The following ROBO2 variants were observed in gnomAD, a reference collection of about 807,000 sequenced individuals.
ROBO2 encodes roundabout guidance receptor 2.
In ROBO2, 53 loss-of-function variants were observed where a neutral mutation model predicts 160.8. The ratio of observed to expected loss-of-function variants is 0.33; its 90% confidence interval spans 0.26 to 0.41. The LOEUF (loss-of-function observed/expected upper bound fraction) is 0.41. Ranked by LOEUF, ROBO2 falls within the 10% of genes least tolerant of loss-of-function variation. The pLI is 1.00. For synonymous variants in ROBO2, 664 were observed against 611.7 expected, an observed-to-expected ratio of 1.09 and a Z score of -1.26; for missense variants, 1,577 against 1,722.4, an observed-to-expected ratio of 0.92 and a Z score of 1.49.
intron 2 of ROBO2, among the ~76,000 whole-genome samples, chr3:77,428,339 ATTTTTT>A (rs59725522): frequency 0.011 from 1,176 of 105,492 alleles, 13 homozygotes; most frequent in Non-Finnish European, 0.016. Context: ...CTTAGGTAAT[ATTTTTT>A]TTTTTTTTTT....
intron 2 of ROBO2, among the ~76,000 whole-genome samples, chr3:76,055,931 C>G (rs2067829556): frequency 1.3e-5 from 2 of 151,990 alleles, no homozygotes; most frequent in African/African-American, 4.8e-5. Flanking sequence ...GCTGGACCAC[C>G]AGCTTTTAAG....
intron 2 of ROBO2, among the ~76,000 whole-genome samples, chr3:76,158,848 A>G (rs1452676938): frequency 6.6e-6 from 1 of 152,184 alleles, no homozygotes; most frequent in Non-Finnish European, 1.5e-5. Context: ...ATACAGTTAT[A>G]TTATAAAGTC....
chr3:76,726,020 A>G (rs1459390954), intron 2 of ROBO2, among the ~76,000 whole-genome samples: 1 of 152,182 alleles, frequency 6.6e-6, no homozygotes, highest in Non-Finnish European at 1.5e-5. Context: ...GGGTCCCTTC[A>G]AATGCTAAGA....
chr3:76,172,885 T>C (rs2073095588), intron 2 of ROBO2, among the ~76,000 whole-genome samples: 1 of 152,106 alleles, frequency 6.6e-6, no homozygotes, highest in South Asian at 2.1e-4. Flanking sequence ...TGAATTAATG[T>C]GCAAACTGCA....
At chr3:77,467,693 A>G (rs191789044) in intron 2 of ROBO2, among the ~76,000 whole-genome samples, 342 of 152,010 alleles carry the variant, frequency 2.2e-3, no homozygotes, top group Admixed American at 4.1e-3. Flanking sequence ...AGGAGGCAGT[A>G]TTATAACCTT....
intron 2 of ROBO2, among the ~76,000 whole-genome samples, chr3:76,215,369 A>T (rs1385832688): frequency 6.6e-6 from 1 of 152,146 alleles, no homozygotes. Flanking sequence ...CTCCGATCTA[A>T]AGGAGGAAGT....
At chr3:76,358,223 A>G (rs1234450655) in intron 2 of ROBO2, among the ~76,000 whole-genome samples, 3 of 151,928 alleles carry the variant, frequency 2.0e-5, no homozygotes, top group Non-Finnish European at 4.4e-5. Context: ...GGTTTTGCAT[A>G]TCCTAGAGAT....
chr3:76,002,650 T>C (rs1187549147), intron 2 of ROBO2, among the ~76,000 whole-genome samples: 1 of 152,136 alleles, frequency 6.6e-6, no homozygotes, highest in Non-Finnish European at 1.5e-5. Flanking sequence ...GAACTGTGAG[T>C]TCGTTAAACC....
At chr3:76,555,810 G>A (rs955838779) in intron 2 of ROBO2, among the ~76,000 whole-genome samples, 1 of 152,160 alleles carries the variant, frequency 6.6e-6, no homozygotes, top group African/African-American at 2.4e-5. Context: ...GCCAGGCATT[G>A]TGTCTCATGC....
At chr3:77,248,026 A>G (rs538999662) in intron 2 of ROBO2, among the ~76,000 whole-genome samples, 2 of 152,126 alleles carry the variant, frequency 1.3e-5, no homozygotes, top group African/African-American at 4.8e-5. Context: ...CTGTGCCTGT[A>G]AAAACCCCAG....
At chr3:76,603,351 AATATATATATATATATATATATAT>A (rs71104603) in intron 2 of ROBO2, among the ~76,000 whole-genome samples, 23 of 26,406 alleles carry the variant, frequency 8.7e-4, no homozygotes, top group Non-Finnish European at 8.8e-4. Context: ...AAAAAAAAAA[AATATATATATATATATATATATAT>A]ATATATATAT....
intron 2 of ROBO2, among the ~76,000 whole-genome samples, chr3:75,996,506 C>A (rs1268586159): frequency 6.6e-6 from 1 of 152,136 alleles, no homozygotes. Context: ...TTGGTTAGTT[C>A]CTTATAGCAA....
At chr3:77,525,606 G>A (rs954830979) in intron 6 of ROBO2, among the ~76,000 whole-genome samples, 55 of 150,836 alleles carry the variant, frequency 3.6e-4, no homozygotes, top group African/African-American at 1.3e-3. Flanking sequence ...CACAAACTGC[G>A]TATTTGTAAG....
rs190753726 is a variant in ROBO2 at position 75,972,555 on chromosome 3, A to G, written c.109+34953A>G. Among the ~76,000 whole-genome samples, 169 of 151,788 alleles carry G rather than the reference A, an allele frequency of 1.1e-3. 1 individual carries two copies. The South Asian group carries it at 0.023, about 20-fold the overall frequency. ...AGCAACTTCTAAATAAATGAAACCA[A>G]ATTTGATAATGTTAGGGATTGCCTG... is the stretch of plus-strand genomic sequence containing the variant. On this transcript the variant is annotated intron_variant, in intron 2 of 26. Coordinates refer to the ROBO2 transcript ENST00000487694.
At chr3:76,527,356 TA>T (rs922193046) in intron 2 of ROBO2, among the ~76,000 whole-genome samples, 4 of 152,180 alleles carry the variant, frequency 2.6e-5, no homozygotes, top group African/African-American at 7.2e-5. Flanking sequence ...TCTTAATTTT[TA>T]TCTGAAGATG....
intron 2 of ROBO2, among the ~76,000 whole-genome samples, chr3:76,472,322 G>A (rs1485864375): frequency 6.6e-6 from 1 of 151,972 alleles, no homozygotes; most frequent in African/African-American, 2.4e-5. Flanking sequence ...TAGCTTATGA[G>A]TTTTTAGTGT....
At chr3:77,501,264 T>G (rs372889457) in intron 5 of ROBO2, among the ~76,000 whole-genome samples, 15 of 151,960 alleles carry the variant, frequency 9.9e-5, no homozygotes, top group South Asian at 8.3e-4. Flanking sequence ...CTGGAGACAC[T>G]CTCCCCTGTA....
chr3:76,192,008 T>G (rs72630369), intron 2 of ROBO2, among the ~76,000 whole-genome samples: 11,332 of 151,946 alleles, frequency 0.075, 597 homozygotes, highest in East Asian at 0.22. Flanking sequence ...GGACTATAGA[T>G]TGCAATCTAG....
At chr3:76,701,848 TAAAAA>T (rs34039752) in intron 2 of ROBO2, among the ~76,000 whole-genome samples, 1 of 143,360 alleles carries the variant, frequency 7.0e-6, no homozygotes. Context: ...TGTAGCAGTC[TAAAAA>T]AAAAAAAAAA....
Sources: gnomAD v4.1 joint callset for allele counts (sites outside exome capture counted in the v4.1 genomes callset) on GRCh38, gnomAD v4.1.1 for gene constraint, MANE v1.5 for transcripts, NCBI Gene and HGNC (gene_info 2026-07-23, HGNC 2026-07-21) for gene names.